Variants in POU6F2 observed in about 807,000 individuals in gnomAD.
POU6F2 encodes POU class 6 homeobox 2.
Under a neutral mutation model 71.3 loss-of-function variants are expected in POU6F2, and 31 were observed. The observed-to-expected ratio is 0.43, with a 90% CI of 0.33 to 0.59. POU6F2 has a LOEUF of 0.59. Ranked by LOEUF, POU6F2 falls within the 20% of genes least tolerant of loss-of-function variation. POU6F2 has a pLI of 0.04. For synonymous variants in POU6F2, 347 were observed against 355.7 expected (o/e 0.98, Z 0.27); for missense variants, 783 against 856.8 (o/e 0.91, Z 1.07).
At chr7:39,098,541 A>C (rs924210773) in intron 2 of POU6F2, among the ~76,000 whole-genome samples, 1 of 152,004 alleles carries the variant, frequency 6.6e-6, no homozygotes, top group Non-Finnish European at 1.5e-5. Flanking sequence ...TTGGTCTCTC[A>C]AACTGTTGGG....
chr7:39,082,794 GCACACACACACACACA>G (rs35710081), intron 1 of POU6F2, among the ~76,000 whole-genome samples: 15 of 137,078 alleles, frequency 1.1e-4, no homozygotes, highest in African/African-American at 1.7e-4. Context: ...ACCATGTCAT[GCACACACACACACACA>G]CACACACACA....
chr7:39,080,699 GTT>G (rs980667465), intron 1 of POU6F2, among the ~76,000 whole-genome samples: 6 of 152,134 alleles, frequency 3.9e-5, no homozygotes, highest in Non-Finnish European at 5.9e-5. Flanking sequence ...CTGATGGACT[GTT>G]TCATCATTAG....
chr7:39,422,471 C>T (rs1787872838), intron 6 of POU6F2, among the ~76,000 whole-genome samples: 1 of 152,034 alleles, frequency 6.6e-6, no homozygotes, highest in Non-Finnish European at 1.5e-5. Context: ...TGGAAATGTC[C>T]ACTCACTTTT....
chr7:39,220,408 C>T (rs978008373), intron 4 of POU6F2, among the ~76,000 whole-genome samples: 26 of 152,220 alleles, frequency 1.7e-4, no homozygotes, highest in Admixed American at 5.9e-4. Context: ...GATTCTGAGT[C>T]AAAGCATTTT....
chr7:39,411,799 G>A (rs1308976312), intron 6 of POU6F2, among the ~76,000 whole-genome samples: 1 of 152,158 alleles, frequency 6.6e-6, no homozygotes, highest in African/African-American at 2.4e-5. Context: ...GCCTTTGATT[G>A]TACAAAACCA....
chr7:38,987,294 C>T (rs859516), intron 1 of POU6F2, among the ~76,000 whole-genome samples: 11 of 151,906 alleles, frequency 7.2e-5, no homozygotes, highest in African/African-American at 1.2e-4. Flanking sequence ...CAGAGAATGG[C>T]GTAAAGAGCT....
At chr7:39,159,282 C>T (rs1792937241) in intron 2 of POU6F2, among the ~76,000 whole-genome samples, 3 of 152,294 alleles carry the variant, frequency 2.0e-5, no homozygotes, top group South Asian at 4.1e-4. Flanking sequence ...TATGTCTTAT[C>T]TTTCATTGGC....
chr7:39,141,204 T>C (rs115901870), intron 2 of POU6F2, among the ~76,000 whole-genome samples: 3,309 of 152,324 alleles, frequency 0.022, 128 homozygotes, highest in African/African-American at 0.076. Flanking sequence ...ATAAAAGCTC[T>C]CATTATTGAT....
chr7:39,392,046 A>G (rs1255833017), intron 5 of POU6F2, among the ~76,000 whole-genome samples: 2 of 152,194 alleles, frequency 1.3e-5, no homozygotes, highest in African/African-American at 4.8e-5. Context: ...GACTCACTAA[A>G]TATTTATTTT....
chr7:39,391,338 C>T (rs1387489657), intron 5 of POU6F2, among the ~76,000 whole-genome samples: 1 of 151,954 alleles, frequency 6.6e-6, no homozygotes, highest in African/African-American at 2.4e-5. Context: ...TATATGATCA[C>T]CTCCTAAACT....
intron 8 of POU6F2, among the ~76,000 whole-genome samples, chr7:39,455,970 G>A (rs974893266): frequency 6.6e-6 from 1 of 152,186 alleles, no homozygotes; most frequent in South Asian, 2.1e-4. Flanking sequence ...GTTAGCCTAA[G>A]TCCCCAGGCC....
chr7:39,257,506 A>C (rs1486543072), intron 4 of POU6F2, among the ~76,000 whole-genome samples: 1 of 152,192 alleles, frequency 6.6e-6, no homozygotes, highest in East Asian at 1.9e-4. Context: ...CAAAAGCTTT[A>C]AGCCGCTTAC....
chr7:39,245,237 G>A (rs4416740), intron 4 of POU6F2, among the ~76,000 whole-genome samples: 98,762 of 152,088 alleles, frequency 0.65, 32,453 homozygotes, highest in East Asian at 0.97. Context: ...GAAGATAATA[G>A]CAAATTAACT....
At chr7:39,411,530 CA>C (rs1004721948) in intron 6 of POU6F2, among the ~76,000 whole-genome samples, 2 of 151,874 alleles carry the variant, frequency 1.3e-5, no homozygotes, top group Admixed American at 1.3e-4. Flanking sequence ...AAAAGCCAGT[CA>C]AGGGGGGGGA....
intron 5 of POU6F2, among the ~76,000 whole-genome samples, chr7:39,371,322 G>A (rs960074512): frequency 3.9e-5 from 6 of 152,024 alleles, no homozygotes; most frequent in African/African-American, 1.4e-4. Flanking sequence ...TGGGACTACA[G>A]GCGCCCACCA....
chr7:39,460,556 C>T lies in POU6F2; in HGVS notation c.1499C>T (p.Thr500Met), dbSNP rs1483764836. ...AAAAACATCTCCACAGATCCTCAAA[C>T]GGCAGCGGGTGAGGTGGATGGGGTT... is the stretch of plus-strand genomic sequence containing the variant. Reference protein sequence around the residue: ...SVGQLVSNPQTAAGEVDGVNL... With the variant: ...SVGQLVSNPQMAAGEVDGVNL... The change falls in exon 9 of 10, where the codon ACG becomes ATG. Residue 500 changes from threonine to methionine, a missense_variant. Physicochemically the swap from Thr to Met is moderately conservative, Grantham distance 81. Transcript: ENST00000518318. This position sits in a 1 kb window ranked among gnomAD's most constrained non-coding sequence, Gnocchi z 4.4. 4.3e-6 allele frequency: 7 copies of T among 1,613,524 alleles called. No individual in the cohort carries two copies. Among genetic ancestry groups the T allele is most frequent in the African/African-American group, 1.3e-5 (1 of 74,922 alleles).
At chr7:39,306,608 A>G (rs139625231) in intron 4 of POU6F2, among the ~76,000 whole-genome samples, 160 of 152,272 alleles carry the variant, frequency 1.1e-3, no homozygotes, top group African/African-American at 3.6e-3. Context: ...CATTGTAATT[A>G]TTGCCTTCGA....
chr7:39,068,673 A>G (rs996303300), intron 1 of POU6F2, among the ~76,000 whole-genome samples: 14 of 152,152 alleles, frequency 9.2e-5, no homozygotes, highest in African/African-American at 3.4e-4. Flanking sequence ...CAAGACTCCA[A>G]ATTTTATAGC....
rs1381896100 is a variant in POU6F2 at position 39,423,679 on chromosome 7, G to A, written c.1114-9398G>A. Among the ~76,000 whole-genome samples the A allele has an allele frequency of 3.3e-5, 5 of 152,006 alleles. No homozygotes were observed. In the East Asian group the frequency reaches 7.7e-4, roughly 23 times the overall value. Reference sequence around the variant, plus strand: ...ACCAAGCTTATATACTTAAAGCTTCGAGTATATGTTAACCATAAGCAATAC... The same window carrying A: ...ACCAAGCTTATATACTTAAAGCTTCAAGTATATGTTAACCATAAGCAATAC... On this transcript the variant is annotated intron_variant, in intron 6 of 9. Coordinates refer to ENST00000518318, the MANE Select transcript of POU6F2 (RefSeq NM_001370959.1).
Sources: gnomAD v4.1 joint callset for allele counts (sites outside exome capture counted in the v4.1 genomes callset) on GRCh38, gnomAD v4.1.1 for gene constraint, Gnocchi (gnomAD v3.1) non-coding constraint, MANE v1.5 for transcripts, NCBI Gene and HGNC (gene_info 2026-07-23, HGNC 2026-07-21) for gene names.